The following OCLN variants were observed in gnomAD, a reference collection of about 807,000 sequenced individuals.
OCLN encodes phosphatase 1, regulatory subunit 115.
Under a neutral mutation model 47.9 loss-of-function variants are expected in OCLN, and 21 were observed. The ratio of observed to expected loss-of-function variants is 0.44; its 90% CI spans 0.31 to 0.63. The LOEUF (loss-of-function observed/expected upper bound fraction) is 0.63, where lower values mean the gene tolerates loss of function less well. OCLN is among the 30% of genes least tolerant of loss of function. The pLI, the probability that OCLN is intolerant of heterozygous loss-of-function variation, is 0.08. For synonymous variants in OCLN, 117 were observed against 198.4 expected (o/e 0.59, Z 3.45); for missense variants, 360 against 571.0 (o/e 0.63, Z 3.77).
At position 69,553,729 on chromosome 5, in the gene OCLN, A is replaced by G. The variant is rs575798550; in HGVS notation, c.*58A>G. On this transcript the variant is annotated 3_prime_UTR_variant, in exon 9 of 9. Coordinates refer to ENST00000396442, the MANE Select transcript of OCLN (RefSeq NM_001205254.2). ...TATCTGACATCTCTGCAATCTTCTC[A>G]GAAGGCAAATGACTTTGGACCATAA... 1.3e-4 allele frequency: 205 copies of G among 1,595,810 alleles called. No individual in the cohort carries two copies. In the African/African-American group the frequency reaches 2.4e-3, roughly 19 times the overall value.
intron 4 of OCLN, among the ~76,000 whole-genome samples, chr5:69,516,410 T>C (rs1385454259): frequency 1.3e-5 from 2 of 151,946 alleles, no homozygotes; most frequent in African/African-American, 4.8e-5. Flanking sequence ...GGCAGGAGAA[T>C]CAGGCAGGGA....
intron 1 of OCLN, among the ~76,000 whole-genome samples, chr5:69,498,903 T>C (rs1768379148): frequency 1.3e-5 from 2 of 152,260 alleles, no homozygotes; most frequent in African/African-American, 2.4e-5. Flanking sequence ...GGTCTCGAAC[T>C]CCTGACCTCA....
At chr5:69,523,053 T>A (rs904749050) in intron 4 of OCLN, among the ~76,000 whole-genome samples, 1 of 152,118 alleles carries the variant, frequency 6.6e-6, no homozygotes, top group Non-Finnish European at 1.5e-5. Context: ...ATTGTTAACA[T>A]CCTACATTAG....
chr5:69,555,839 T>C lies in OCLN; in HGVS notation c.*2168T>C, dbSNP rs1205757470. 6.7e-6 allele frequency: 1 copy of C among 149,232 alleles called. No homozygotes were observed. Among genetic ancestry groups the C allele is most frequent in the African/African-American group, 2.5e-5 (1 of 40,350 alleles). The allele number at this position is 149,232 out of a possible 1,614,324, so 9.2% of individuals were successfully genotyped here. A position where few individuals can be genotyped will look rare whatever the true frequency, so the allele number is the denominator to read the frequency against. On this transcript the variant is annotated 3_prime_UTR_variant, in exon 9 of 9. Coordinates refer to ENST00000396442, the MANE Select transcript of OCLN (RefSeq NM_001205254.2). Reference sequence around the variant, plus strand: ...AAGTTTGTCAGTATTTTCACAAAACTATTCAGCTGAATCCAGAAAGTGAAA... The same window carrying C: ...AAGTTTGTCAGTATTTTCACAAAACCATTCAGCTGAATCCAGAAAGTGAAA...
chr5:69,511,831 C>G (rs1054941545), intron 3 of OCLN, among the ~76,000 whole-genome samples: 41 of 152,022 alleles, frequency 2.7e-4, no homozygotes, highest in Non-Finnish European at 5.6e-4. Context: ...TCGAGACCAG[C>G]CTGGCCAACA....
chr5:69,501,432 C>T (rs1340562401), intron 1 of OCLN, among the ~76,000 whole-genome samples: 1 of 152,000 alleles, frequency 6.6e-6, no homozygotes, highest in Non-Finnish European at 1.5e-5. Context: ...GGGTTTGAGA[C>T]CAGCCTGGGC....
intron 5 of OCLN, among the ~76,000 whole-genome samples, chr5:69,536,646 G>T: frequency 6.7e-6 from 1 of 149,140 alleles, no homozygotes; most frequent in Non-Finnish European, 1.5e-5. Flanking sequence ...ACTCCAGCCT[G>T]CGTGACAAAG....
chr5:69,521,205 A>G (rs1318647734), intron 4 of OCLN, among the ~76,000 whole-genome samples: 2 of 152,248 alleles, frequency 1.3e-5, no homozygotes, highest in Non-Finnish European at 2.9e-5. Context: ...TACACGTTGT[A>G]TGCAGTTTGC....
chr5:69,507,513 T>C (rs766307005), intron 2 of OCLN, among the ~76,000 whole-genome samples: 9 of 152,214 alleles, frequency 5.9e-5, no homozygotes, highest in South Asian at 2.1e-4. Flanking sequence ...TGTAACTGCA[T>C]GTATTCATAG....
At chr5:69,508,233 G>C (rs1768661825) in intron 2 of OCLN, among the ~76,000 whole-genome samples, 1 of 152,054 alleles carries the variant, frequency 6.6e-6, no homozygotes, top group Non-Finnish European at 1.5e-5. Flanking sequence ...AGTAGAGATA[G>C]GGTTTTACCA....
chr5:69,522,009 GTTTGT>G (rs1444091953), intron 4 of OCLN, among the ~76,000 whole-genome samples: 1 of 151,840 alleles, frequency 6.6e-6, no homozygotes, highest in African/African-American at 2.4e-5. Flanking sequence ...GTGTTTTTTT[GTTTGT>G]TTTAAGAGAG....
chr5:69,500,758 C>T (rs1364475962), intron 1 of OCLN, among the ~76,000 whole-genome samples: 1 of 152,044 alleles, frequency 6.6e-6, no homozygotes, highest in African/African-American at 2.4e-5. Context: ...CTGGAAATAG[C>T]AGTTTGAAAA....
intron 5 of OCLN, among the ~76,000 whole-genome samples, chr5:69,536,959 C>T (rs1378945630): frequency 5.4e-5 from 8 of 148,120 alleles, no homozygotes; most frequent in African/African-American, 1.7e-4. Flanking sequence ...CAAAGTGAGA[C>T]TCCGTCTCAA....
chr5:69,532,871 G>A (rs1318401820), intron 4 of OCLN, among the ~76,000 whole-genome samples: 1 of 151,870 alleles, frequency 6.6e-6, no homozygotes, highest in Admixed American at 6.6e-5. Context: ...GGGAGGCTGA[G>A]GCAGGAGAAT....
chr5:69,499,949 A>G (rs1422966565), intron 1 of OCLN, among the ~76,000 whole-genome samples: 1 of 152,200 alleles, frequency 6.6e-6, no homozygotes, highest in African/African-American at 2.4e-5. Context: ...GTGCACTTAG[A>G]GGAGATAAGG....
chr5:69,513,497 T>A (rs933924809), intron 3 of OCLN, among the ~76,000 whole-genome samples: 4 of 152,236 alleles, frequency 2.6e-5, no homozygotes, highest in African/African-American at 9.6e-5. Context: ...TTGAACAAGA[T>A]TACAAGCATG....
intron 2 of OCLN, among the ~76,000 whole-genome samples, chr5:69,505,944 T>C (rs1304890186): frequency 6.6e-6 from 1 of 152,206 alleles, no homozygotes; most frequent in Non-Finnish European, 1.5e-5. Flanking sequence ...CTGTCAGAGA[T>C]AGCATCAGAT....
intron 4 of OCLN, among the ~76,000 whole-genome samples, chr5:69,515,138 C>T (rs1034446039): frequency 2.0e-5 from 3 of 150,498 alleles, no homozygotes; most frequent in Admixed American, 1.3e-4. Flanking sequence ...GACCGGGCGG[C>T]TGGCCGGGCG....
Position 69,518,067 on chromosome 5 carries a change from T to A in OCLN, c.891+3958T>A, listed in dbSNP as rs561931381. On this transcript the variant is annotated intron_variant, in intron 4 of 8. Transcript: ENST00000396442. ...CAGTGAACTTTGGCCTCTCATCTGA[T>A]TTTACTGTCATGAAGGTTTAATCAG... Among the ~76,000 whole-genome samples, 4 of 152,310 alleles carry A rather than the reference T, an allele frequency of 2.6e-5. No homozygotes were observed. The East Asian group carries it at 7.7e-4, about 29-fold the overall frequency.
Sources: allele counts gnomAD v4.1 joint callset (sites outside exome capture counted in the v4.1 genomes callset), GRCh38; gene constraint gnomAD v4.1.1; transcripts MANE v1.5; gene names NCBI Gene and HGNC (gene_info 2026-07-23, HGNC 2026-07-21).